RBFOX1: variants seen among roughly 807,000 people sequenced by gnomAD.
RBFOX1 encodes RNA binding fox-1 homolog 1, also known as RNA binding protein fox-1 homolog 1.
RBFOX1 carries 8 observed loss-of-function variants against 57.7 expected under a neutral mutation model. The ratio of observed to expected loss-of-function variants is 0.14; its 90% CI spans 0.08 to 0.25. The LOEUF is 0.25. RBFOX1 is among the 10% of genes least tolerant of loss of function. The pLI is 1.00. For synonymous variants in RBFOX1, 326 were observed against 222.4 expected (o/e 1.47, Z -4.15); for missense variants, 611 against 548.5 (o/e 1.11, Z -1.14).
At chr16:6,767,974 G>C (rs1292811547) in intron 3 of RBFOX1, among the ~76,000 whole-genome samples, 3 of 144,580 alleles carry the variant, frequency 2.1e-5, no homozygotes, top group Admixed American at 1.4e-4. Context: ...AGAAGAAGAA[G>C]AAGAAGAAGA....
At chr16:5,241,159 C>G (rs117298098) in intron 1 of RBFOX1, among the ~76,000 whole-genome samples, 3,666 of 152,294 alleles carry the variant, frequency 0.024, 70 homozygotes, top group Middle Eastern at 0.088. Context: ...GCCTCAGAGC[C>G]CCCCCTGCCC....
At chr16:6,664,115 TTATG>T (rs1286456764) in intron 3 of RBFOX1, among the ~76,000 whole-genome samples, 1 of 152,202 alleles carries the variant, frequency 6.6e-6, no homozygotes, top group African/African-American at 2.4e-5. Flanking sequence ...TAGATCATGT[TTATG>T]TATGACCTTT....
chr16:5,526,926 G>C (rs2044272312), intron 2 of RBFOX1, among the ~76,000 whole-genome samples: 1 of 152,140 alleles, frequency 6.6e-6, no homozygotes, highest in Non-Finnish European at 1.5e-5. Flanking sequence ...TCTAACCCTT[G>C]GTTTCCTCTT....
intron 3 of RBFOX1, among the ~76,000 whole-genome samples, chr16:6,883,614 T>C (rs1038770556): frequency 2.0e-5 from 3 of 152,228 alleles, no homozygotes; most frequent in Non-Finnish European, 2.9e-5. Flanking sequence ...GCTGTTCTAC[T>C]CTGTGTTCAG....
At chr16:6,839,527 C>A (rs182438858) in intron 3 of RBFOX1, among the ~76,000 whole-genome samples, 196 of 152,284 alleles carry the variant, frequency 1.3e-3, no homozygotes, top group African/African-American at 4.5e-3. Flanking sequence ...AAATTTTAAT[C>A]AGACAGACAA....
chr16:7,650,262 C>G (rs2064734811), intron 11 of RBFOX1, among the ~76,000 whole-genome samples: 1 of 151,748 alleles, frequency 6.6e-6, no homozygotes, highest in Non-Finnish European at 1.5e-5. Context: ...TTGAATCCTC[C>G]AGCCCTTTCT....
At chr16:5,908,371 A>G (rs572688520) in intron 4 of RBFOX1, among the ~76,000 whole-genome samples, 3 of 148,174 alleles carry the variant, frequency 2.0e-5, no homozygotes, top group Non-Finnish European at 3.0e-5. Context: ...TGTTTTTTGT[A>G]AGACAGAGTC....
chr16:5,894,236 G>A (rs1232050811), intron 4 of RBFOX1, among the ~76,000 whole-genome samples: 1 of 152,150 alleles, frequency 6.6e-6, no homozygotes, highest in Non-Finnish European at 1.5e-5. Context: ...TTAAATTGAG[G>A]TGGACTCGTA....
intron 3 of RBFOX1, among the ~76,000 whole-genome samples, chr16:6,805,273 C>G (rs1003507367): frequency 3.9e-5 from 6 of 152,106 alleles, no homozygotes; most frequent in African/African-American, 1.2e-4. Flanking sequence ...TTTTCCTTAG[C>G]AAACTATGAC....
At chr16:7,685,042 C>G (rs2075759936) in intron 14 of RBFOX1, among the ~76,000 whole-genome samples, 1 of 151,964 alleles carries the variant, frequency 6.6e-6, no homozygotes, top group African/African-American at 2.4e-5. Flanking sequence ...GTTTCCAGAC[C>G]AACACCATTG....
At chr16:5,749,132 C>G (rs1010044251) in intron 3 of RBFOX1, among the ~76,000 whole-genome samples, 4 of 152,172 alleles carry the variant, frequency 2.6e-5, no homozygotes, top group Middle Eastern at 3.4e-3. Context: ...ACTTATGAAG[C>G]TTAGTTTTGC....
chr16:6,912,621 A>G (rs1332149101), intron 3 of RBFOX1, among the ~76,000 whole-genome samples: 1 of 80,200 alleles, frequency 1.2e-5, no homozygotes, highest in African/African-American at 5.1e-5. Context: ...GTGTGTTATT[A>G]CTATTTTTTT....
intron 3 of RBFOX1, among the ~76,000 whole-genome samples, chr16:6,682,227 G>T (rs1192254464): frequency 2.0e-5 from 3 of 152,194 alleles, no homozygotes; most frequent in Admixed American, 2.0e-4. Flanking sequence ...CAACGCAACA[G>T]AGTCAGCGCT....
At chr16:7,324,992 T>C (rs2096592775) in intron 4 of RBFOX1, among the ~76,000 whole-genome samples, 2 of 152,204 alleles carry the variant, frequency 1.3e-5, no homozygotes, top group South Asian at 4.1e-4. Context: ...AGTTTTTTGT[T>C]TGGGACATAG....
At chr16:5,989,576 C>G (rs1477811757) in intron 4 of RBFOX1, among the ~76,000 whole-genome samples, 1 of 151,962 alleles carries the variant, frequency 6.6e-6, no homozygotes, top group African/African-American at 2.4e-5. Flanking sequence ...GGCTCGCCGA[C>G]CTAGAATGGG....
Position 6,652,154 on chromosome 16 carries a change from TAAAA to T in RBFOX1, c.-63-2448_-63-2445del, listed in dbSNP as rs2098601551. On this transcript the variant is annotated intron_variant, in intron 2 of 15. Transcript: ENST00000550418. Reference sequence around the variant, plus strand: ...CTTAATCCAATAGGATTGGTGGCCTTAAAAGAAAGATGGCCACACCTTACGGTGG... The same window carrying T: ...CTTAATCCAATAGGATTGGTGGCCTTGAAAGATGGCCACACCTTACGGTGG... Among the ~76,000 whole-genome samples, 3 of 152,006 alleles carry T rather than the reference TAAAA, an allele frequency of 2.0e-5. No homozygotes were observed. The South Asian group carries it at 6.2e-4, about 32-fold the overall frequency.
At chr16:6,582,593 A>G (rs2097551151) in intron 2 of RBFOX1, among the ~76,000 whole-genome samples, 1 of 152,008 alleles carries the variant, frequency 6.6e-6, no homozygotes, top group Non-Finnish European at 1.5e-5. Flanking sequence ...AATTCATTTA[A>G]AATACTTAAA....
chr16:5,821,884 A>G (rs2055869899), intron 3 of RBFOX1, among the ~76,000 whole-genome samples: 1 of 152,180 alleles, frequency 6.6e-6, no homozygotes. Context: ...GCCCTTTTAT[A>G]AGGCACGGAG....
intron 3 of RBFOX1, among the ~76,000 whole-genome samples, chr16:6,805,459 G>T (rs143494408): frequency 2.0e-5 from 3 of 152,170 alleles, no homozygotes; most frequent in Non-Finnish European, 4.4e-5. Flanking sequence ...TACCTGGGTG[G>T]TGAAATAATC....
Sources: gnomAD v4.1 joint callset for allele counts (sites outside exome capture counted in the v4.1 genomes callset) on GRCh38, gnomAD v4.1.1 for gene constraint, MANE v1.5 for transcripts, NCBI Gene and HGNC (gene_info 2026-07-23, HGNC 2026-07-21) for gene names.